The following CACNA2D2 variants were observed in gnomAD, a reference collection of about 807,000 sequenced individuals.
CACNA2D2 encodes the protein voltage-dependent calcium channel subunit alpha-2/delta-2.
CACNA2D2 carries 48 observed loss-of-function variants against 166.4 expected under a neutral mutation model. That is an observed-to-expected ratio of 0.29 (90% CI 0.23 to 0.37). The LOEUF (loss-of-function observed/expected upper bound fraction) is 0.37. Among genes scored for constraint, CACNA2D2 ranks in the 10% least tolerant of loss-of-function variants. The pLI is 1.00. For synonymous variants in CACNA2D2, 561 were observed against 573.7 expected (o/e 0.98, Z 0.32); for missense variants, 1,122 against 1,433.0 (o/e 0.78, Z 3.50).
At chr3:50,483,161 AG>A (rs1213698100) in intron 1 of CACNA2D2, among the ~76,000 whole-genome samples, 2 of 152,212 alleles carry the variant, frequency 1.3e-5, no homozygotes, top group African/African-American at 4.8e-5. Context: ...ACAGAACTCA[AG>A]GGGGGCTGGC....
intron 3 of CACNA2D2, among the ~76,000 whole-genome samples, chr3:50,397,330 G>A (rs1003069559): frequency 1.3e-5 from 2 of 152,218 alleles, no homozygotes; most frequent in African/African-American, 2.4e-5. Flanking sequence ...GGCACTGGAC[G>A]TGTGGAAACT....
intron 3 of CACNA2D2, among the ~76,000 whole-genome samples, chr3:50,424,026 G>A (rs565434204): frequency 1.4e-4 from 21 of 152,366 alleles, no homozygotes; most frequent in Middle Eastern, 3.4e-3. Flanking sequence ...CAAAGCCTGG[G>A]CATAAACTCT....
intron 22 of CACNA2D2, among the ~76,000 whole-genome samples, chr3:50,371,424 G>A (rs11914549): frequency 0.11 from 15,987 of 151,940 alleles, 1,956 homozygotes; most frequent in African/African-American, 0.3. Context: ...GGATGTGGCC[G>A]CTGGGGCTCC....
At chr3:50,480,148 C>T (rs1289801291) in intron 1 of CACNA2D2, among the ~76,000 whole-genome samples, 2 of 152,152 alleles carry the variant, frequency 1.3e-5, no homozygotes, top group African/African-American at 4.8e-5. Context: ...TACAGGGTCA[C>T]ATACTTAAAG....
Position 50,379,491 on chromosome 3 carries a change from C to G in CACNA2D2, c.1093G>C (p.Ala365Pro). ...GCCTTGTAGCCTGTGGTGCCCTTGG[C>G]CACCATGCCCTGCACAGCTTCCTTG... is the stretch of plus-strand genomic sequence containing the variant. ...VFKEAVQGMV[A>P]KGTTGYKAGF... The change falls in exon 11 of 38, where the codon GCC (alanine) becomes CCC (proline). Residue 365 changes from alanine to proline, a missense_variant. By Grantham distance (27) the Ala-to-Pro change is conservative (BLOSUM62 -1). Coordinates refer to ENST00000424201, the MANE Select transcript of CACNA2D2 (RefSeq NM_006030.4). This position sits in a 1 kb window ranked among gnomAD's most constrained non-coding sequence, Gnocchi z 6.5. 6.2e-7 allele frequency: 1 copy of G among 1,613,944 alleles called. No homozygotes were observed. Among genetic ancestry groups the G allele is most frequent in the Non-Finnish European group, 8.5e-7 (1 of 1,180,010 alleles).
At chr3:50,467,322 A>G (rs1018230394) in intron 2 of CACNA2D2, among the ~76,000 whole-genome samples, 1 of 152,122 alleles carries the variant, frequency 6.6e-6, no homozygotes, top group African/African-American at 2.4e-5. Flanking sequence ...TGCCTGCTAC[A>G]TCTCCTAGGG....
intron 1 of CACNA2D2, among the ~76,000 whole-genome samples, chr3:50,478,045 A>G (rs1697870695): frequency 6.6e-6 from 1 of 152,046 alleles, no homozygotes; most frequent in African/African-American, 2.4e-5. Context: ...TGTCAGGACC[A>G]TGATGGAAAA....
rs1575603012 is a variant in CACNA2D2, at chr3:50,379,570, A to G, written c.1014T>C (p.Pro338=). ...NVASFNEKAQ[P]VSCFTHLVQA... ...GCACCAGGTGTGTGAAGCATGACAC[A>G]GGCTGTGCCTTCTCGTTGAACTGCA... The change falls in exon 11 of 38, where the codon CCT becomes CCC. Residue 338 remains proline (P), a synonymous_variant. Transcript: ENST00000424201. This position sits in a 1 kb window ranked among gnomAD's most constrained non-coding sequence, Gnocchi z 6.5. The G allele has an allele frequency of 6.2e-7, 1 of 1,613,910 alleles. No homozygotes were observed. The highest frequency in any genetic ancestry group is 2.2e-5 in the East Asian group (1 of 44,890).
chr3:50,363,782 G>A lies in CACNA2D2; in HGVS notation c.*884C>T, dbSNP rs1466232617. ...GGTGAGGGGGCACTTGGAGGACACT[G>A]GTGGCTAGGGGTGGGACAGAGGGTT... On this transcript the variant is annotated 3_prime_UTR_variant, in exon 38 of 38. Coordinates refer to ENST00000424201, the MANE Select transcript of CACNA2D2 (RefSeq NM_006030.4). 6 of 153,130 alleles carry A rather than the reference G, an allele frequency of 3.9e-5. No homozygotes were observed. The highest frequency in any genetic ancestry group is 1.4e-4 in the African/African-American group (6 of 41,458). 9.5% of individuals were successfully genotyped at this position (153,130 alleles called of 1,614,324 possible).
At chr3:50,470,341 G>A (rs577279794) in intron 2 of CACNA2D2, among the ~76,000 whole-genome samples, 1 of 152,294 alleles carries the variant, frequency 6.6e-6, no homozygotes, top group African/African-American at 2.4e-5. Context: ...ACTGGGGTGG[G>A]GGAGGCTCCA....
At chr3:50,443,721 C>G (rs1300529190) in intron 2 of CACNA2D2, among the ~76,000 whole-genome samples, 1 of 152,250 alleles carries the variant, frequency 6.6e-6, no homozygotes, top group East Asian at 1.9e-4. Context: ...GCCTTGCCAT[C>G]TGGCCTCTTC....
rs1455082128 is a variant in CACNA2D2 at position 50,379,057 on chromosome 3, A to C, written c.1260+35T>G. 2 of 1,613,094 alleles carry C rather than the reference A, an allele frequency of 1.2e-6. No homozygotes were observed. The highest frequency in any genetic ancestry group is 1.7e-5 in the Admixed American group (1 of 60,010). On this transcript the variant is annotated intron_variant, in intron 12 of 37. Coordinates refer to ENST00000424201, the MANE Select transcript of CACNA2D2 (RefSeq NM_006030.4). This position sits in a 1 kb window ranked among gnomAD's most constrained non-coding sequence, Gnocchi z 6.5. ...GACAGCCCTCTTCTGTACTGGGCCC[A>C]GGTCAGGGTAGCCCCTGCCTCGGTT...
chr3:50,435,309 G>A (rs939108162), intron 2 of CACNA2D2, among the ~76,000 whole-genome samples: 4 of 152,002 alleles, frequency 2.6e-5, no homozygotes, highest in Non-Finnish European at 5.9e-5. Flanking sequence ...GCGTGTGCGT[G>A]TGCGTGTGTG....
chr3:50,490,495 T>C (rs1485822633), intron 1 of CACNA2D2, among the ~76,000 whole-genome samples: 3 of 152,002 alleles, frequency 2.0e-5, no homozygotes, highest in Non-Finnish European at 4.4e-5. Flanking sequence ...CCCCCTTTAC[T>C]TCCCTCCCCA....
chr3:50,368,436 GA>G (rs1307897541), intron 23 of CACNA2D2, among the ~76,000 whole-genome samples: 2 of 152,164 alleles, frequency 1.3e-5, no homozygotes, highest in African/African-American at 4.8e-5. Context: ...ACACAAGAAT[GA>G]GGGTCTACTT....
chr3:50,380,965 G>A lies in CACNA2D2; in HGVS notation c.784+30C>T, dbSNP rs200678372. On this transcript the variant is annotated intron_variant, in intron 7 of 37. Coordinates refer to ENST00000424201, the MANE Select transcript of CACNA2D2 (RefSeq NM_006030.4). This position sits in a 1 kb window ranked among gnomAD's most constrained non-coding sequence, Gnocchi z 4.9. Reference sequence around the variant, plus strand: ...GTAGATGGAGAAAGGCGAGGTGCTGGGTAGACAGGGGACAGGGGCTGGTAC... The same window carrying A: ...GTAGATGGAGAAAGGCGAGGTGCTGAGTAGACAGGGGACAGGGGCTGGTAC... 29 of 1,612,372 alleles carry A rather than the reference G, an allele frequency of 1.8e-5. No individual in the cohort carries two copies. Among genetic ancestry groups the A allele is most frequent in the Non-Finnish European group, 2.5e-5 (29 of 1,178,938 alleles).
chr3:50,365,568 A>T lies in CACNA2D2; in HGVS notation c.2971+65T>A. 1 of 1,581,670 alleles carries T rather than the reference A, an allele frequency of 6.3e-7. No individual in the cohort carries two copies. The highest frequency in any genetic ancestry group is 8.6e-7 in the Non-Finnish European group (1 of 1,163,146). ...CTCAGTCGTAGACCCCACCCTCCCC[A>T]TGGAGTCGTCTTAGCTCAGATTGGG... On this transcript the variant is annotated intron_variant, in intron 34 of 37. Transcript: ENST00000424201. The surrounding 1 kb of genome is among the most constrained non-coding windows in gnomAD (Gnocchi z 4.5).
At chr3:50,400,542 C>T (rs1186500254) in intron 3 of CACNA2D2, among the ~76,000 whole-genome samples, 1 of 152,246 alleles carries the variant, frequency 6.6e-6, no homozygotes, top group Admixed American at 6.5e-5. Context: ...CTTCTGAGGG[C>T]ATGTCTTGCC....
In CACNA2D2 at chr3:50,365,178, G is replaced by T. The variant is rs780997127; in HGVS notation, c.3105C>A (p.Phe1035Leu). 1 of 1,612,010 alleles carries T rather than the reference G, an allele frequency of 6.2e-7. No homozygotes were observed. The highest frequency in any genetic ancestry group is 1.1e-5 in the South Asian group (1 of 91,074). ...TGGTGTTGGTCAGTCTCTGCGCGTG[G>T]AACAGCCTGCGGGCAGCCCGGAAAG... ...IIDCGNCSRLFHAQRLTNTNL... is the reference protein window; with the variant it reads ...IIDCGNCSRLLHAQRLTNTNL... Residue 1035 changes from phenylalanine (F) to leucine (L), a missense_variant, in exon 36 of 38, where the codon TTC becomes TTA. Coordinates refer to ENST00000424201, the MANE Select transcript of CACNA2D2 (RefSeq NM_006030.4). This position sits in a 1 kb window ranked among gnomAD's most constrained non-coding sequence, Gnocchi z 4.5.
Sources: allele counts gnomAD v4.1 joint callset (sites outside exome capture counted in the v4.1 genomes callset), GRCh38; gene constraint gnomAD v4.1.1; non-coding constraint Gnocchi (gnomAD v3.1); transcripts MANE v1.5; gene names NCBI Gene and HGNC (gene_info 2026-07-23, HGNC 2026-07-21).